The following ERAP2 variants were observed in gnomAD, a reference collection of about 807,000 sequenced individuals.
ERAP2 encodes leukocyte-derived arginine aminopeptidase.
In ERAP2, 118 loss-of-function variants were observed where a neutral mutation model predicts 111.1. That is an observed-to-expected ratio of 1.06 (90% CI 0.92 to 1.24). ERAP2 has a LOEUF of 1.24. Ranked by LOEUF, ERAP2 falls within the 50% of genes most tolerant of loss-of-function variation. The pLI, the probability that ERAP2 is intolerant of heterozygous loss-of-function variation, is 0.00. For synonymous variants in ERAP2, 410 were observed against 401.2 expected, an observed-to-expected ratio of 1.02 and a Z score of -0.26; for missense variants, 1,131 against 1,125.8, an observed-to-expected ratio of 1.00 and a Z score of -0.07.
In ERAP2 at chr5:96,896,713, CTT is replaced by C. The variant is rs757140030; in HGVS notation, c.1372-16_1372-15del. ...ATTTTCTTTATCTCTTTTTTCAACT[CTT>C]TTGTTTTTTTTTAAAGGGAGCTTGT... On this transcript the variant is annotated splice_polypyrimidine_tract_variant and intron_variant, in intron 8 of 18. Transcript: ENST00000437043. 2.1e-5 allele frequency: 32 copies of C among 1,550,430 alleles called. No homozygotes were observed. Among genetic ancestry groups the C allele is most frequent in the African/African-American group, 7.0e-5 (5 of 71,318 alleles).
In ERAP2 at chr5:96,883,800, C is replaced by T. The variant is rs145672042; in HGVS notation, c.584C>T (p.Ala195Val). The part of the protein sequence containing the change: ...RTLGGETRIL[A>V]VTDFEPTQAR... ...GGTGGGTCTTTTCACAGAATTCTTG[C>T]AGTAACAGATTTTGAGCCAACCCAG... is the stretch of plus-strand genomic sequence containing the variant. Residue 195 changes from alanine (A) to valine (V), a missense_variant, in exon 3 of 19, where the codon GCA becomes GTA. Around this residue, in one of 3 missense-constraint regions of ERAP2, gnomAD observed 847 missense variants for 856.5 expected, o/e 0.99. Coordinates refer to ENST00000437043, the MANE Select transcript of ERAP2 (RefSeq NM_022350.5). 1.6e-5 allele frequency: 26 copies of T among 1,610,186 alleles called. No individual in the cohort carries two copies. Among genetic ancestry groups the T allele is most frequent in the Middle Eastern group, 1.7e-4 (1 of 6,042 alleles).
chr5:96,908,877 CTCTA>C lies in ERAP2; in HGVS notation c.2013-82_2013-79del, dbSNP rs762811962. On this transcript the variant is annotated intron_variant, in intron 13 of 18. Coordinates refer to ENST00000437043, the MANE Select transcript of ERAP2 (RefSeq NM_022350.5). ...ATAATGACCTACTTCTGTTATTGTTCTCTATTTCATATTTGTTTTAATGTTAAAA... is the reference window on the plus strand; with the variant it reads ...ATAATGACCTACTTCTGTTATTGTTCTTTCATATTTGTTTTAATGTTAAAA... The C allele has an allele frequency of 4.8e-4, 661 of 1,364,520 alleles. 1 individual carries two copies. Among genetic ancestry groups the C allele is most frequent in the Non-Finnish European group, 6.3e-4 (634 of 999,320 alleles). 84.5% of individuals were successfully genotyped at this position (1,364,520 alleles called of 1,614,324 possible).
intron 4 of ERAP2, 84 bp from the exon 5 acceptor site, chr5:96,889,101 C>G (rs1456502863): frequency 6.6e-7 from 1 of 1,511,880 alleles, no homozygotes; most frequent in Non-Finnish European, 9.1e-7. Flanking sequence ...ATACAGTCTG[C>G]CTTTCTGTGT....
At chr5:96,891,470 GGTAT>G (rs1192825200) in intron 5 of ERAP2, among the ~76,000 whole-genome samples, 3 of 124,128 alleles carry the variant, frequency 2.4e-5, no homozygotes, top group Non-Finnish European at 5.0e-5. Flanking sequence ...CACATATACA[GGTAT>G]ATATATATAT....
intron 3 of ERAP2, among the ~76,000 whole-genome samples, chr5:96,885,861 C>G (rs11135483): frequency 0.55 from 83,533 of 152,116 alleles, 22,971 homozygotes; most frequent in Admixed American, 0.6. Context: ...TCAGTCATTA[C>G]CCAGTGATCT....
chr5:96,899,281 A>ATATCAC (rs1365797066), intron 9 of ERAP2, among the ~76,000 whole-genome samples: 3 of 152,176 alleles, frequency 2.0e-5, no homozygotes, highest in Non-Finnish European at 4.4e-5. Context: ...TCCTAGTTTT[A>ATATCAC]AGAAAAGTCC....
chr5:96,914,420 G>A (rs193103969), intron 17 of ERAP2, among the ~76,000 whole-genome samples: 12 of 152,278 alleles, frequency 7.9e-5, no homozygotes, highest in Admixed American at 7.2e-4. Context: ...TGCTCAAGGA[G>A]TTGACGTCCA....
At chr5:96,904,279 C>A (rs1392744182) in intron 13 of ERAP2, among the ~76,000 whole-genome samples, 4 of 152,184 alleles carry the variant, frequency 2.6e-5, no homozygotes, top group Non-Finnish European at 5.9e-5. Flanking sequence ...CACAAGATCA[C>A]CAATGGCTGG....
intron 14 of ERAP2, 87 bp downstream of exon 14, chr5:96,909,204 T>G: frequency 7.4e-7 from 1 of 1,344,660 alleles, no homozygotes; most frequent in Non-Finnish European, 1.0e-6. Flanking sequence ...GTGAAGTCCT[T>G]GAGGTTAAAT....
At chr5:96,884,976 C>T (rs1312390540) in intron 3 of ERAP2, among the ~76,000 whole-genome samples, 1 of 152,188 alleles carries the variant, frequency 6.6e-6, no homozygotes, top group East Asian at 1.9e-4. Flanking sequence ...ATTACATCAC[C>T]ATCCTGGAAG....
Position 96,915,730 on chromosome 5 carries a change from C to T in ERAP2, c.2700C>T (p.Gly900=). ...ATGACATAAGGATGATCATCTCTGG[C>T]ACAACAGCTCACTTTTCTTCCAAGG... The part of the protein sequence containing the change: ...GSYDIRMIIS[G]TTAHFSSKDK... Residue 900 remains glycine (G), a synonymous_variant, in exon 18 of 19, where the codon GGC becomes GGT. Transcript: ENST00000437043. The T allele has an allele frequency of 6.3e-7, 1 of 1,598,422 alleles. No individual in the cohort carries two copies. Among genetic ancestry groups the T allele is most frequent in the Non-Finnish European group, 8.5e-7 (1 of 1,172,836 alleles).
intron 17 of ERAP2, among the ~76,000 whole-genome samples, chr5:96,915,159 C>T (rs1331738914): frequency 1.3e-5 from 2 of 152,052 alleles, no homozygotes; most frequent in Non-Finnish European, 2.9e-5. Context: ...AGGCATGCAC[C>T]ACCATGCCCA....
At position 96,919,531 on chromosome 5, in the gene ERAP2, C is replaced by T. The variant is rs1375382357; in HGVS notation, c.*1926C>T. On this transcript the variant is annotated 3_prime_UTR_variant, in exon 19 of 19. Transcript: ENST00000437043. Reference sequence around the variant, plus strand: ...CATCAACAATGTTTCCATAAATATGCAGAGTTCTTTCTTTTGTATTGTTAT... The same window carrying T: ...CATCAACAATGTTTCCATAAATATGTAGAGTTCTTTCTTTTGTATTGTTAT... The T allele has an allele frequency of 6.6e-6, 1 of 152,122 alleles. No homozygotes were observed. Among genetic ancestry groups the T allele is most frequent in the East Asian group, 1.9e-4 (1 of 5,318 alleles). The allele number at this position is 152,122 out of a possible 1,614,324, so 9.4% of individuals were successfully genotyped here. A position where few individuals can be genotyped will look rare whatever the true frequency, so the allele number is the denominator to read the frequency against.
rs116164795 is a variant in ERAP2 at position 96,891,916 on chromosome 5, A to T, written c.971-383A>T. 5.5e-3 allele frequency among the ~76,000 whole-genome samples: 840 copies of T among 152,278 alleles called. 14 individuals are homozygous for T. The highest frequency in any genetic ancestry group is 0.019 in the African/African-American group (786 of 41,564). ...ATACGTTTTGATGAATCTCAAACAT[A>T]TTAGAAATTATTTGATACCCTTTTT... is the stretch of plus-strand genomic sequence containing the variant. On this transcript the variant is annotated intron_variant, in intron 5 of 18. Coordinates refer to ENST00000437043, the MANE Select transcript of ERAP2 (RefSeq NM_022350.5).
At position 96,896,391 on chromosome 5, in the gene ERAP2, G is replaced by T. The variant is rs1272677336; in HGVS notation, c.1258G>T (p.Val420Leu). 2 of 1,609,440 alleles carry T rather than the reference G, an allele frequency of 1.2e-6. No individual in the cohort carries two copies. Among genetic ancestry groups the T allele is most frequent in the South Asian group, 1.1e-5 (1 of 90,460 alleles). The change falls in exon 8 of 19, where the codon GTG becomes TTG. Residue 420 changes from valine to leucine, a missense_variant. Around this residue, in one of 3 missense-constraint regions of ERAP2, gnomAD observed 847 missense variants for 856.5 expected, o/e 0.99. Coordinates refer to ENST00000437043, the MANE Select transcript of ERAP2 (RefSeq NM_022350.5). ...ELQFDDYFLNVCFEVITKDSL... is the reference protein window; with the variant it reads ...ELQFDDYFLNLCFEVITKDSL... The stretch of plus-strand genomic sequence containing the variant: ...TGTTTAGGATGACTATTTTTTGAAT[G>T]TGTGTTTTGAAGTAATTACAAAAGA...
At position 96,918,615 on chromosome 5, in the gene ERAP2, T is replaced by A. The variant is rs1787692750; in HGVS notation, c.*1010T>A. The A allele has an allele frequency of 6.6e-6, 1 of 152,050 alleles. No individual in the cohort carries two copies. Among genetic ancestry groups the A allele is most frequent in the Non-Finnish European group, 1.5e-5 (1 of 68,000 alleles). The allele number at this position is 152,050 out of a possible 1,614,324, so 9.4% of individuals were successfully genotyped here. On this transcript the variant is annotated 3_prime_UTR_variant, in exon 19 of 19. Coordinates refer to ENST00000437043, the MANE Select transcript of ERAP2 (RefSeq NM_022350.5). ...GATACAAAAGGAAAAGGAATATAAT[T>A]CATACCATTTGGTTTAAGCCTTACA...
In ERAP2 at chr5:96,879,554, T is replaced by C; in HGVS notation, c.-122-10T>C. On this transcript the variant is annotated splice_polypyrimidine_tract_variant and intron_variant, in intron 1 of 18. Coordinates refer to ENST00000437043, the MANE Select transcript of ERAP2 (RefSeq NM_022350.5). Reference sequence around the variant, plus strand: ...TTTTGTCATGCTATAAGTGTGTTTTTTTCTTCTAGATTAAATTCATGTATT... The same window carrying C: ...TTTTGTCATGCTATAAGTGTGTTTTCTTCTTCTAGATTAAATTCATGTATT... 2 of 659,810 alleles carry C rather than the reference T, an allele frequency of 3.0e-6. No individual in the cohort carries two copies. The highest frequency in any genetic ancestry group is 5.1e-6 in the Non-Finnish European group (2 of 390,564). 40.9% of individuals were successfully genotyped at this position (659,810 alleles called of 1,614,324 possible). A position where few individuals can be genotyped will look rare whatever the true frequency, so the allele number is the denominator to read the frequency against.
At chr5:96,895,676 A>C (rs1784800712) in intron 7 of ERAP2, among the ~76,000 whole-genome samples, 1 of 152,214 alleles carries the variant, frequency 6.6e-6, no homozygotes, top group African/African-American at 2.4e-5. Flanking sequence ...GCTCATGGCT[A>C]CTAGGTACTA....
At chr5:96,890,826 T>TTA (rs55747823) in intron 5 of ERAP2, among the ~76,000 whole-genome samples, 3,968 of 152,268 alleles carry the variant, frequency 0.026, 85 homozygotes, top group Middle Eastern at 0.095. Context: ...TAAATCCCAT[T>TTA]TATATGTAAT....
Sources: allele counts gnomAD v4.1 joint callset (sites outside exome capture counted in the v4.1 genomes callset), GRCh38; gene constraint gnomAD v4.1.1; regional missense constraint gnomAD v4.1.1; transcripts MANE v1.5; gene names NCBI Gene and HGNC (gene_info 2026-07-23, HGNC 2026-07-21).